The following ZNF528 variants were observed in gnomAD, a reference collection of about 807,000 sequenced individuals.
ZNF528 encodes the protein zinc finger protein 528.
A neutral mutation model predicts 13.3 loss-of-function variants in ZNF528; 9 were observed. That is an observed-to-expected ratio of 0.67 (90% CI 0.41 to 1.18). The LOEUF is 1.18. Among genes scored for constraint, ZNF528 ranks in the 50% most tolerant of loss-of-function variants. ZNF528 has a pLI of 0.01. For missense variants in ZNF528, 858 were observed against 745.4 expected (o/e 1.15, Z -1.76); for synonymous variants, 264 against 254.3 (o/e 1.04, Z -0.36).
chr19:52,414,554 C>A, intron 6 of ZNF528: 1 of 508,104 alleles, frequency 2.0e-6, no homozygotes, highest in Non-Finnish European at 3.5e-6. Context: ...TGTAGATGTC[C>A]CAGTAGATAA....
rs1039650640 is a variant in ZNF528, at chr19:52,415,718, GA to G, written c.868del (p.Ile290PhefsTer51). ...AGTTCAAAGCTTGCACAACATCAAA[GA>G]ATTCATACTGGAGAGAAGCCTTACA... ...RSSSKLAQHQ[R>X]IHTGEKPYKC... is the part of the protein sequence containing the mutation. On this transcript the variant is annotated frameshift_variant, in exon 7 of 7. Transcript: ENST00000360465. LOFTEE classifies it low-confidence loss of function (END_TRUNC). 2.4e-5 allele frequency: 39 copies of G among 1,613,726 alleles called. No individual in the cohort carries two copies. The African/African-American group carries it at 5.2e-4, about 22-fold the overall frequency.
rs370548074 is a variant in ZNF528, at chr19:52,406,002, G to A, written c.111G>A (p.Met37Ile). ...PAQRTLYRDV[M>I]LENYRNLVSL... ...AGAGGACTTTATACAGGGACGTGAT[G>A]TTGGAGAATTATAGGAACCTGGTCT... Residue 37 changes from methionine (M) to isoleucine (I), a missense_variant, in exon 5 of 7, where the codon ATG (methionine) becomes ATA (isoleucine). Met to Ile is a conservative substitution (Grantham distance 10, BLOSUM62 1). Transcript: ENST00000360465. 1 of 1,611,426 alleles carries A rather than the reference G, an allele frequency of 6.2e-7. No individual in the cohort carries two copies. The highest frequency in any genetic ancestry group is 8.5e-7 in the Non-Finnish European group (1 of 1,178,222).
intron 6 of ZNF528, among the ~76,000 whole-genome samples, chr19:52,410,073 G>T (rs542987875): frequency 6.6e-6 from 1 of 152,234 alleles, no homozygotes; most frequent in Non-Finnish European, 1.5e-5. Flanking sequence ...AAAGTGCTGG[G>T]ATTACAGGCA....
At chr19:52,399,615 CA>C (rs938157107) in intron 2 of ZNF528, among the ~76,000 whole-genome samples, 2 of 151,776 alleles carry the variant, frequency 1.3e-5, no homozygotes, top group African/African-American at 4.8e-5. Context: ...TCTCAAAAAA[CA>C]AAAAACAAAA....
intron 6 of ZNF528, among the ~76,000 whole-genome samples, chr19:52,409,355 A>G (rs2058900748): frequency 6.7e-6 from 1 of 149,954 alleles, no homozygotes; most frequent in African/African-American, 2.5e-5. Context: ...GCTGGAGTGC[A>G]GTGCCATGCA....
intron 5 of ZNF528, 57 bp from the exon 6 acceptor site, chr19:52,406,458 C>T: frequency 2.5e-6 from 4 of 1,574,032 alleles, no homozygotes; most frequent in Non-Finnish European, 3.4e-6. Context: ...TCCCTAAATA[C>T]AGGGCTTGGA....
At position 52,406,530 on chromosome 19, in the gene ZNF528, A is replaced by C; in HGVS notation, c.158A>C (p.Asp53Ala). The change falls in exon 6 of 7, where the codon GAC becomes GCC. Residue 53 changes from aspartate (D) to alanine (A), a missense_variant. Transcript: ENST00000360465. ...TTATAAATAGGAATCTGTCTTCCTG[A>C]CCTGAGTGTTACCTCCATGTTAGAG... is the stretch of plus-strand genomic sequence containing the variant. ...NLVSLGICLP[D>A]LSVTSMLEQK... 1 of 1,613,788 alleles carries C rather than the reference A, an allele frequency of 6.2e-7. No individual in the cohort carries two copies. Among genetic ancestry groups the C allele is most frequent in the Non-Finnish European group, 8.5e-7 (1 of 1,179,918 alleles).
chr19:52,410,381 G>T (rs191437856), intron 6 of ZNF528, among the ~76,000 whole-genome samples: 1 of 152,284 alleles, frequency 6.6e-6, no homozygotes, highest in African/African-American at 2.4e-5. Context: ...TTGATTTACA[G>T]CAGGCTTGCA....
intron 6 of ZNF528, among the ~76,000 whole-genome samples, chr19:52,409,175 ACAAGTCTCTTTTTTGTTG>A: frequency 6.6e-6 from 1 of 151,992 alleles, no homozygotes; most frequent in East Asian, 1.9e-4. Context: ...GTATTGTCTG[ACAAGTCTCTTTTTTGTTG>A]CTGCTGTCAA....
chr19:52,411,144 T>C (rs2058926361), intron 6 of ZNF528, among the ~76,000 whole-genome samples: 1 of 152,106 alleles, frequency 6.6e-6, no homozygotes. Flanking sequence ...ATGAATGATA[T>C]ACGCAGTGGG....
rs755537397 is a variant in ZNF528 at position 52,401,750 on chromosome 19, C to G, written c.-71C>G. 1.3e-5 allele frequency: 19 copies of G among 1,435,114 alleles called. No homozygotes were observed. Among genetic ancestry groups the G allele is most frequent in the Admixed American group, 2.2e-5 (1 of 46,120 alleles). 88.9% of individuals were successfully genotyped at this position (1,435,114 alleles called of 1,614,324 possible). Reference sequence around the variant, plus strand: ...TCTCAGAAGGAATCCACTCAACAGACGAGGTACCTTAACCACATAATGGTT... The same window carrying G: ...TCTCAGAAGGAATCCACTCAACAGAGGAGGTACCTTAACCACATAATGGTT... On this transcript the variant is annotated 5_prime_UTR_variant, in exon 3 of 7. Coordinates refer to ENST00000360465, the MANE Select transcript of ZNF528 (RefSeq NM_032423.3).
In ZNF528 at chr19:52,411,142, T is replaced by TA. The variant is rs202192259; in HGVS notation, c.272-3981dup. 7.9e-3 allele frequency among the ~76,000 whole-genome samples: 1,210 copies of TA among 152,282 alleles called. 20 individuals carry two copies. The highest frequency in any genetic ancestry group is 0.037 in the Middle Eastern group (11 of 294). On this transcript the variant is annotated intron_variant, in intron 6 of 6. Transcript: ENST00000360465. ...AGAATATCATCCATAAAATGAATGA[T>TA]ATACGCAGTGGGAAACATATTTTGA...
chr19:52,415,149 T>C lies in ZNF528; in HGVS notation c.297T>C (p.Asn99=). Residue 99 remains asparagine, a synonymous_variant, in exon 7 of 7, where the codon AAT becomes AAC. Transcript: ENST00000360465. ...AGAGGAGCTCTAAATTGGGAAGTAATGCAGGAAACAAGCCTTGTAAAAATC... is the reference window on the plus strand; with the variant it reads ...AGAGGAGCTCTAAATTGGGAAGTAACGCAGGAAACAAGCCTTGTAAAAATC... ...NTERSSKLGS[N]AGNKPCKNQL... is the part of the protein sequence containing the mutation. 1 of 1,609,488 alleles carries C rather than the reference T, an allele frequency of 6.2e-7. No individual in the cohort carries two copies. Among genetic ancestry groups the C allele is most frequent in the African/African-American group, 1.3e-5 (1 of 74,800 alleles).
Position 52,416,302 on chromosome 19 carries a change from CAT to C in ZNF528, c.1452_1453del (p.His484GlnfsTer12). 1 of 1,614,084 alleles carries C rather than the reference CAT, an allele frequency of 6.2e-7. No individual in the cohort carries two copies. The highest frequency in any genetic ancestry group is 1.1e-5 in the South Asian group (1 of 91,080). On this transcript the variant is annotated frameshift_variant, in exon 7 of 7. Coordinates refer to ENST00000360465, the MANE Select transcript of ZNF528 (RefSeq NM_032423.3). LOFTEE classifies it low-confidence loss of function (END_TRUNC). The part of the protein sequence containing the change: ...FRYKSSLTSH[H>X]RIHTGEKPYK... ...GTACAAGTCTTCTCTAACCAGTCAT[CAT>C]AGAATTCATACTGGAGAGAAGCCTT...
In ZNF528 at chr19:52,416,482, A is replaced by G. The variant is rs1159419604; in HGVS notation, c.1630A>G (p.Thr544Ala). The change falls in exon 7 of 7, where the codon ACT becomes GCT. Residue 544 changes from threonine to alanine, a missense_variant. By Grantham distance (58) the Thr-to-Ala change is moderately conservative (BLOSUM62 0). Transcript: ENST00000360465. ...CCTTACAAGACATCAAATAATTCAT[A>G]CTGGAGAGAGGCCTTACAGATGTAG... Reference protein sequence around the residue: ...SYLTRHQIIHTGERPYRCSKC... With the variant: ...SYLTRHQIIHAGERPYRCSKC... 6.2e-7 allele frequency: 1 copy of G among 1,614,194 alleles called. No homozygotes were observed. The highest frequency in any genetic ancestry group is 1.7e-5 in the Admixed American group (1 of 60,022).
intron 6 of ZNF528, among the ~76,000 whole-genome samples, chr19:52,410,442 A>G (rs1305395335): frequency 1.3e-5 from 2 of 152,190 alleles, no homozygotes; most frequent in Admixed American, 1.3e-4. Flanking sequence ...AGATAATCTC[A>G]GTGAGCACAG....
chr19:52,404,826 T>G (rs751903111), intron 4 of ZNF528, among the ~76,000 whole-genome samples: 2 of 151,322 alleles, frequency 1.3e-5, no homozygotes, highest in Non-Finnish European at 2.9e-5. Context: ...CTCGAACTCC[T>G]TACCTCAGGT....
rs762044674 is a variant in ZNF528, at chr19:52,415,787, T to A, written c.935T>A (p.Leu312His). 6.2e-7 allele frequency: 1 copy of A among 1,614,092 alleles called. No individual in the cohort carries two copies. Among genetic ancestry groups the A allele is most frequent in the East Asian group, 2.2e-5 (1 of 44,808 alleles). ...CDKVFNQIAH[L>H]VRHQKIHTGE... is the part of the protein sequence containing the mutation. Reference sequence around the variant, plus strand: ...AAGGTCTTCAATCAAATTGCACACCTTGTACGACATCAAAAAATTCATACT... The same window carrying A: ...AAGGTCTTCAATCAAATTGCACACCATGTACGACATCAAAAAATTCATACT... Residue 312 changes from leucine (L) to histidine (H), a missense_variant, in exon 7 of 7, where the codon CTT becomes CAT. Physicochemically the swap from Leu to His is moderately conservative, Grantham distance 99. Transcript: ENST00000360465.
At position 52,415,822 on chromosome 19, in the gene ZNF528, C is replaced by T; in HGVS notation, c.970C>T (p.Pro324Ser). Reference sequence around the variant, plus strand: ...TCAAAAAATTCATACTGGAGAGAAACCTTACAGTTGTAATAAATGTGGCAA... The same window carrying T: ...TCAAAAAATTCATACTGGAGAGAAATCTTACAGTTGTAATAAATGTGGCAA... ...RHQKIHTGEK[P>S]YSCNKCGKVF... is the part of the protein sequence containing the mutation. Residue 324 changes from proline (P) to serine (S), a missense_variant, in exon 7 of 7, where the codon CCT (proline) becomes TCT (serine). Transcript: ENST00000360465. 1.2e-6 allele frequency: 2 copies of T among 1,614,062 alleles called. No individual in the cohort carries two copies. Among genetic ancestry groups the T allele is most frequent in the South Asian group, 1.1e-5 (1 of 91,084 alleles).
Sources: allele counts gnomAD v4.1 joint callset (sites outside exome capture counted in the v4.1 genomes callset), GRCh38; gene constraint gnomAD v4.1.1; transcripts MANE v1.5; gene names NCBI Gene and HGNC (gene_info 2026-07-23, HGNC 2026-07-21).